ROBO2: variants seen among roughly 807,000 people sequenced by gnomAD.
ROBO2 encodes the protein roundabout homolog 2.
A neutral mutation model predicts 160.8 loss-of-function variants in ROBO2; 53 were observed. The observed-to-expected ratio is 0.33, with a 90% CI of 0.26 to 0.41. The LOEUF (loss-of-function observed/expected upper bound fraction) is 0.41, where lower values mean the gene tolerates loss of function less well. Ranked by LOEUF, ROBO2 falls within the 10% of genes least tolerant of loss-of-function variation. The probability of loss-of-function intolerance (pLI) is 1.00; values close to 1 mark genes in which losing one functional copy is unlikely to be tolerated. For missense variants in ROBO2, 1,577 were observed against 1,722.4 expected (o/e 0.92, Z 1.49); for synonymous variants, 664 against 611.7 (o/e 1.09, Z -1.26).
At chr3:75,916,650 A>T (rs1392108004) in intron 1 of ROBO2, among the ~76,000 whole-genome samples, 8 of 152,100 alleles carry the variant, frequency 5.3e-5, no homozygotes, top group Non-Finnish European at 1.0e-4. Context: ...ATCTTACCCA[A>T]AGATTGATTT....
intron 2 of ROBO2, among the ~76,000 whole-genome samples, chr3:76,794,510 G>T (rs2063564156): frequency 6.6e-6 from 1 of 151,866 alleles, no homozygotes; most frequent in African/African-American, 2.4e-5. Flanking sequence ...TGAAATTTGG[G>T]ATAAAGCTGT....
At chr3:77,046,492 C>A (rs2064684873) in intron 1 of ROBO2, among the ~76,000 whole-genome samples, 1 of 152,178 alleles carries the variant, frequency 6.6e-6, no homozygotes, top group Admixed American at 6.5e-5. Context: ...ATGATAGCAT[C>A]TCGGAGCCAT....
chr3:77,238,850 GAGCAAT>G (rs2151344007), intron 2 of ROBO2, among the ~76,000 whole-genome samples: 1 of 152,202 alleles, frequency 6.6e-6, no homozygotes, highest in East Asian at 1.9e-4. Flanking sequence ...GTTTACACTG[GAGCAAT>G]TCTGTTTTCT....
intron 2 of ROBO2, among the ~76,000 whole-genome samples, chr3:76,444,601 T>TTCGTGAGAACTCAGTCACTA (rs2077079254): frequency 6.6e-6 from 1 of 152,066 alleles, no homozygotes. Flanking sequence ...ACCATCAGAT[T>TTCGTGAGAACTCAGTCACTA]TCGTGAGAAC....
intron 2 of ROBO2, among the ~76,000 whole-genome samples, chr3:77,469,860 C>T (rs1211190877): frequency 1.3e-5 from 2 of 152,164 alleles, no homozygotes; most frequent in Non-Finnish European, 2.9e-5. Flanking sequence ...ATTCAATCAA[C>T]CAATCGACAT....
chr3:76,666,610 A>C (rs1317113605), intron 2 of ROBO2, among the ~76,000 whole-genome samples: 3 of 152,084 alleles, frequency 2.0e-5, no homozygotes, highest in African/African-American at 7.2e-5. Flanking sequence ...CTCAGGACTC[A>C]GTCTATTGGA....
intron 2 of ROBO2, among the ~76,000 whole-genome samples, chr3:76,457,608 C>A (rs1211329211): frequency 6.6e-6 from 1 of 152,172 alleles, no homozygotes; most frequent in Non-Finnish European, 1.5e-5. Flanking sequence ...CTAGGCAGTG[C>A]CCCTGTAGAG....
intron 2 of ROBO2, among the ~76,000 whole-genome samples, chr3:76,081,995 G>C (rs1448050686): frequency 1.3e-5 from 2 of 151,994 alleles, no homozygotes; most frequent in Non-Finnish European, 2.9e-5. Context: ...TTTGTGACTG[G>C]CAAAGATAAT....
chr3:77,253,755 C>A (rs1396973551), intron 2 of ROBO2, among the ~76,000 whole-genome samples: 2 of 152,108 alleles, frequency 1.3e-5, no homozygotes, highest in African/African-American at 2.4e-5. Context: ...AAAAAGGCTG[C>A]AGTTTTCAGA....
At position 76,443,504 on chromosome 3, in the gene ROBO2, A is replaced by C. The variant is rs115604045; in HGVS notation, c.109+505902A>C. ...GATGGCTACTACCACGACTGCTATT[A>C]CAACTTATCTGAGTGTGTCATAGAA... On this transcript the variant is annotated intron_variant, in intron 2 of 26. Coordinates refer to the ROBO2 transcript ENST00000487694. 1.5e-3 allele frequency among the ~76,000 whole-genome samples: 233 copies of C among 152,294 alleles called. 2 individuals carry two copies. Among genetic ancestry groups the C allele is most frequent in the African/African-American group, 5.4e-3 (224 of 41,562 alleles).
intron 2 of ROBO2, among the ~76,000 whole-genome samples, chr3:77,217,413 GATTACAGGCATGGGCCACCATGCCTGGC>G: frequency 6.6e-6 from 1 of 152,264 alleles, no homozygotes; most frequent in African/African-American, 2.4e-5. Context: ...AAAGTGCTGG[GATTACAGGCATGGGCCACCATGCCTGGC>G]CGATTTTTCT....
chr3:76,111,250 G>A (rs902779385), intron 2 of ROBO2, among the ~76,000 whole-genome samples: 1 of 152,006 alleles, frequency 6.6e-6, no homozygotes, highest in African/African-American at 2.4e-5. Flanking sequence ...GAGAACAGAG[G>A]CAGAGATTAG....
At chr3:75,955,412 T>C (rs1948686216) in intron 2 of ROBO2, among the ~76,000 whole-genome samples, 1 of 151,668 alleles carries the variant, frequency 6.6e-6, no homozygotes, top group Non-Finnish European at 1.5e-5. Flanking sequence ...TATAACTTCT[T>C]TCCAGGCTTT....
At chr3:77,191,039 A>C (rs955775158) in intron 2 of ROBO2, among the ~76,000 whole-genome samples, 9 of 152,086 alleles carry the variant, frequency 5.9e-5, no homozygotes, top group Non-Finnish European at 1.3e-4. Context: ...CAGGAAGATA[A>C]AAACGAATTA....
intron 12 of ROBO2, 80 bp downstream of exon 13, chr3:77,565,200 T>C: frequency 6.8e-7 from 1 of 1,470,614 alleles, no homozygotes; most frequent in East Asian, 2.3e-5. Flanking sequence ...GATGAGGAAA[T>C]ATACATGTGC....
intron 2 of ROBO2, among the ~76,000 whole-genome samples, chr3:76,584,297 T>C (rs1015195945): frequency 2.0e-5 from 3 of 150,100 alleles, no homozygotes; most frequent in Non-Finnish European, 4.5e-5. Flanking sequence ...CTGTTATGAG[T>C]TGAATTGTTC....
At chr3:76,234,130 T>A (rs982051518) in intron 2 of ROBO2, among the ~76,000 whole-genome samples, 1 of 152,216 alleles carries the variant, frequency 6.6e-6, no homozygotes, top group Admixed American at 6.5e-5. Context: ...GCTCCATCTA[T>A]GTTGCTGCAA....
chr3:76,837,927 T>C (rs2067858785), intron 2 of ROBO2, among the ~76,000 whole-genome samples: 1 of 152,088 alleles, frequency 6.6e-6, no homozygotes, highest in Non-Finnish European at 1.5e-5. Context: ...TTTCTTAGTG[T>C]TGTTCAATTT....
At chr3:77,494,035 T>G (rs903273148) in intron 5 of ROBO2, among the ~76,000 whole-genome samples, 9 of 152,216 alleles carry the variant, frequency 5.9e-5, no homozygotes, top group Admixed American at 5.9e-4. Flanking sequence ...AAAATGCTTT[T>G]CATCATATAT....
Sources: allele counts gnomAD v4.1 joint callset (sites outside exome capture counted in the v4.1 genomes callset), GRCh38; gene constraint gnomAD v4.1.1; transcripts MANE v1.5; gene names NCBI Gene and HGNC (gene_info 2026-07-23, HGNC 2026-07-21).